Variants in RERE observed in about 807,000 individuals in gnomAD.
RERE encodes arginine-glutamic acid dipeptide repeats, also known as arginine-glutamic acid dipeptide repeats protein.
A neutral mutation model predicts 146.1 loss-of-function variants in RERE; 40 were observed. The ratio of observed to expected loss-of-function variants is 0.27; its 90% confidence interval spans 0.21 to 0.36. The LOEUF is 0.36. Among genes scored for constraint, RERE ranks in the 10% least tolerant of loss-of-function variants. RERE has a pLI of 1.00. For missense variants in RERE, 1,933 were observed against 2,138.7 expected, an observed-to-expected ratio of 0.90 and a Z score of 1.90; for synonymous variants, 1,003 against 866.0, an observed-to-expected ratio of 1.16 and a Z score of -2.78.
chr1:8,377,604 G>A lies in RERE; in HGVS notation c.1285-11630C>T, dbSNP rs922659386. On this transcript the variant is annotated intron_variant, in intron 12 of 22. Coordinates refer to ENST00000400908, the MANE Select transcript of RERE (RefSeq NM_001042681.2). ...AGGGGGAGGAGACGAAAGAAAAAAC[G>A]AAAGCCATAAAACTGTTAAAACTAC... 2.6e-5 allele frequency among the ~76,000 whole-genome samples: 4 copies of A among 152,116 alleles called. 1 individual carries two copies. The highest frequency in any genetic ancestry group is 4.2e-4 in the South Asian group (2 of 4,806).
At chr1:8,650,700 C>A (rs896263556) in intron 2 of RERE, among the ~76,000 whole-genome samples, 1 of 151,986 alleles carries the variant, frequency 6.6e-6, no homozygotes, top group Non-Finnish European at 1.5e-5. Flanking sequence ...AGATCGAGAC[C>A]ATCCTAGCCA....
intron 4 of RERE, among the ~76,000 whole-genome samples, chr1:8,605,920 C>T (rs1176294156): frequency 7.3e-6 from 1 of 136,498 alleles, no homozygotes; most frequent in Non-Finnish European, 1.5e-5. Flanking sequence ...TTATAGCACA[C>T]TGCAGCCTCA....
intron 4 of RERE, among the ~76,000 whole-genome samples, chr1:8,573,183 T>C (rs1310940477): frequency 6.6e-6 from 1 of 152,150 alleles, no homozygotes; most frequent in Non-Finnish European, 1.5e-5. Context: ...GGTATAAAAA[T>C]AACAGAACCA....
At chr1:8,794,651 C>A (rs1422705073) in intron 1 of RERE, among the ~76,000 whole-genome samples, 1 of 152,086 alleles carries the variant, frequency 6.6e-6, no homozygotes, top group Non-Finnish European at 1.5e-5. Flanking sequence ...AATCCCTGCA[C>A]TTTGGGAGGC....
chr1:8,563,191 T>C (rs533320392), intron 4 of RERE, among the ~76,000 whole-genome samples: 1 of 152,356 alleles, frequency 6.6e-6, no homozygotes, highest in Admixed American at 6.5e-5. Context: ...TTCATGATTA[T>C]TAATTTAGTG....
chr1:8,706,116 A>C (rs1230382994), intron 1 of RERE, among the ~76,000 whole-genome samples: 1 of 24,832 alleles, frequency 4.0e-5, no homozygotes, highest in African/African-American at 1.6e-4. Context: ...CCGTCTCCAA[A>C]AAAAAAAAAA....
At chr1:8,369,955 A>AT (rs1277746268) in intron 12 of RERE, among the ~76,000 whole-genome samples, 2 of 151,420 alleles carry the variant, frequency 1.3e-5, no homozygotes, top group African/African-American at 2.4e-5. Flanking sequence ...AGCCCGGCTA[A>AT]TTTTTTTTGT....
At chr1:8,739,460 C>T (rs1569678955) in intron 1 of RERE, among the ~76,000 whole-genome samples, 2 of 152,286 alleles carry the variant, frequency 1.3e-5, no homozygotes, top group Admixed American at 1.3e-4. Flanking sequence ...GCTGCAAATG[C>T]CTGAGCACTG....
intron 4 of RERE, among the ~76,000 whole-genome samples, chr1:8,601,056 G>A (rs1292463134): frequency 8.2e-6 from 1 of 122,158 alleles, no homozygotes; most frequent in Admixed American, 1.0e-4. Context: ...GTCTTGCTAT[G>A]TCAGCCAGGT....
chr1:8,799,153 C>T (rs1252552720), intron 1 of RERE, among the ~76,000 whole-genome samples: 1 of 151,832 alleles, frequency 6.6e-6, no homozygotes, highest in Non-Finnish European at 1.5e-5. Flanking sequence ...GCCACCACGT[C>T]CAGCTAATTC....
intron 2 of RERE, among the ~76,000 whole-genome samples, chr1:8,632,935 A>C (rs1365735904): frequency 6.6e-6 from 1 of 152,232 alleles, no homozygotes; most frequent in Non-Finnish European, 1.5e-5. Flanking sequence ...ATTCAAGATT[A>C]AAAGACATTT....
chr1:8,569,728 C>T (rs1646196414), intron 4 of RERE, among the ~76,000 whole-genome samples: 2 of 152,030 alleles, frequency 1.3e-5, no homozygotes. Context: ...TCTGCCTTTA[C>T]AAAAAATTTA....
intron 1 of RERE, among the ~76,000 whole-genome samples, chr1:8,680,832 C>T (rs1367491917): frequency 6.6e-6 from 1 of 152,052 alleles, no homozygotes; most frequent in Non-Finnish European, 1.5e-5. Flanking sequence ...GACTGGGAGT[C>T]GGAAATTGAA....
chr1:8,671,532 A>G (rs1638717935), intron 1 of RERE, among the ~76,000 whole-genome samples: 1 of 152,212 alleles, frequency 6.6e-6, no homozygotes, highest in Non-Finnish European at 1.5e-5. Flanking sequence ...CAGCTGTCCA[A>G]ATGACTTTTG....
At chr1:8,507,770 G>C (rs1468145255) in intron 8 of RERE, among the ~76,000 whole-genome samples, 2 of 95,062 alleles carry the variant, frequency 2.1e-5, no homozygotes, top group African/African-American at 4.7e-5. Context: ...ACAGAGTCTT[G>C]CTCTGTTGCC....
intron 12 of RERE, among the ~76,000 whole-genome samples, chr1:8,383,248 C>G (rs780401325): frequency 6.6e-6 from 1 of 151,670 alleles, no homozygotes; most frequent in Non-Finnish European, 1.5e-5. Context: ...AAATGCCCAA[C>G]AGCCCACTGA....
intron 11 of RERE, 160 bp downstream of exon 11, chr1:8,465,765 T>A (rs1644587557): frequency 1.4e-6 from 1 of 697,016 alleles, no homozygotes; most frequent in African/African-American, 1.7e-5. Flanking sequence ...TCTGTACAAT[T>A]AAGGGGCTGA....
intron 1 of RERE, among the ~76,000 whole-genome samples, chr1:8,672,032 G>A (rs1177320103): frequency 6.6e-6 from 1 of 152,140 alleles, no homozygotes; most frequent in Non-Finnish European, 1.5e-5. Context: ...CTAGCACTTT[G>A]GGAGGCTGAG....
chr1:8,766,097 T>G (rs535628037), intron 1 of RERE, among the ~76,000 whole-genome samples: 1 of 151,242 alleles, frequency 6.6e-6, no homozygotes, highest in Non-Finnish European at 1.5e-5. Flanking sequence ...TGGGCAACAA[T>G]GAAACTGCAT....
Sources: gnomAD v4.1 joint callset for allele counts (sites outside exome capture counted in the v4.1 genomes callset) on GRCh38, gnomAD v4.1.1 for gene constraint, MANE v1.5 for transcripts, NCBI Gene and HGNC (gene_info 2026-07-23, HGNC 2026-07-21) for gene names.